KRT10: variants seen among roughly 807,000 people sequenced by gnomAD.
The protein encoded by KRT10 is keratin, type I cytoskeletal 10.
In KRT10, 40 loss-of-function variants were observed where a neutral mutation model predicts 59.2. The observed-to-expected ratio is 0.68, with a 90% CI of 0.52 to 0.88. The LOEUF is 0.88. Among genes scored for constraint, KRT10 ranks in the 40% least tolerant of loss-of-function variants. KRT10 has a pLI of 0.00. For missense variants in KRT10, 719 were observed against 749.1 expected, an observed-to-expected ratio of 0.96 and a Z score of 0.47; for synonymous variants, 336 against 310.7, an observed-to-expected ratio of 1.08 and a Z score of -0.86.
intron 2 of KRT10, 124 bp from the exon 3 acceptor site, chr17:40,820,791 T>A: frequency 8.7e-7 from 1 of 1,152,694 alleles, no homozygotes. Context: ...TCATGTACAG[T>A]TCTCTTAGAA....
intron 7 of KRT10, 144 bp downstream of exon 7, chr17:40,818,643 G>T: frequency 1.4e-6 from 2 of 1,395,782 alleles, no homozygotes; most frequent in Non-Finnish European, 2.0e-6. Flanking sequence ...CACGGCTGGT[G>T]TTAAGAGTAG....
chr17:40,818,794 C>T lies in KRT10; in HGVS notation c.1741G>A (p.Gly581Arg). The change falls in exon 7 of 8, where the codon GGA becomes AGA. Residue 581 changes from glycine to arginine, a missense_variant. Physicochemically the swap from Gly to Arg is moderately radical, Grantham distance 125. Transcript: ENST00000269576. ...CAGCTAGTTTCTGCTGACCTTGGTCCCTTAGATGAAGACTCGCCCACGGAC... is the reference window on the plus strand; with the variant it reads ...CAGCTAGTTTCTGCTGACCTTGGTCTCTTAGATGAAGACTCGCCCACGGAC... ...SGSVGESSSK[G>R]PRY The T allele has an allele frequency of 6.5e-7, 1 of 1,547,788 alleles. No individual in the cohort carries two copies. Among genetic ancestry groups the T allele is most frequent in the Non-Finnish European group, 8.6e-7 (1 of 1,156,996 alleles).
At chr17:40,821,260 G>A (rs1216385512) in intron 1 of KRT10, 143 bp from the exon 2 acceptor site, 2 of 672,998 alleles carry the variant, frequency 3.0e-6, no homozygotes, top group Middle Eastern at 2.5e-4. Flanking sequence ...AATATTGCAG[G>A]CTTACCCATA....
Position 40,818,203 on chromosome 17 carries a change from T to G in KRT10, c.*273A>C, listed in dbSNP as rs951369637. 1.1e-5 allele frequency: 5 copies of G among 448,542 alleles called. No individual in the cohort carries two copies. Among genetic ancestry groups the G allele is most frequent in the Non-Finnish European group, 2.0e-5 (5 of 251,662 alleles). 27.8% of individuals were successfully genotyped at this position (448,542 alleles called of 1,614,324 possible). A position where few individuals can be genotyped will look rare whatever the true frequency, so the allele number is the denominator to read the frequency against. On this transcript the variant is annotated 3_prime_UTR_variant, in exon 8 of 8. Transcript: ENST00000269576. ...TTTCTTTCCATTAAAGAACACTTTC[T>G]GGTAAAGTGAAAAGAAGAAATACAG...
chr17:40,820,198 A>G (rs1192087639), intron 4 of KRT10, 24 bp from the exon 5 acceptor site: 1 of 1,614,070 alleles, frequency 6.2e-7, no homozygotes, highest in Non-Finnish European at 8.5e-7. Context: ...AACAAGGAAA[A>G]GGGTGAGGAA....
At position 40,818,883 on chromosome 17, in the gene KRT10, C is replaced by A. The variant is rs767261543; in HGVS notation, c.1652G>T (p.Ser551Ile). 12 of 1,529,270 alleles carry A rather than the reference C, an allele frequency of 7.8e-6. No homozygotes were observed. The highest frequency in any genetic ancestry group is 3.7e-5 in the Admixed American group (2 of 53,688). 94.7% of individuals were successfully genotyped at this position (1,529,270 alleles called of 1,614,324 possible). Reference sequence around the variant, plus strand: ...GCCGCCGTATCCGCCGCCGGAGCTGCTGCCGCCGCCGGAGCTGCCGCCCCC... The same window carrying A: ...GCCGCCGTATCCGCCGCCGGAGCTGATGCCGCCGCCGGAGCTGCCGCCCCC... The part of the protein sequence containing the change: ...GYGGGSSGGG[S>I]SSGGGYGGGS... Residue 551 changes from serine to isoleucine, a missense_variant, in exon 7 of 8, where the codon AGC (serine) becomes ATC (isoleucine). Ser to Ile is a moderately radical substitution (Grantham distance 142). Transcript: ENST00000269576.
rs1484341394 is a variant in KRT10 at position 40,819,100 on chromosome 17, C to T, written c.1435G>A (p.Gly479Ser). The change falls in exon 7 of 8, where the codon GGC becomes AGC. Residue 479 changes from glycine to serine, a missense_variant. Around this residue, in one of 4 missense-constraint regions of KRT10, gnomAD observed 315 missense variants for 270.6 expected, o/e 1.16. Coordinates refer to ENST00000269576, the MANE Select transcript of KRT10 (RefSeq NM_000421.5). Reference sequence around the variant, plus strand: ...TGGCCGCCGCCGGAGCTTCCGCCGCCGGAGCTTCCGCCGCCGTAGCCGCCG... The same window carrying T: ...TGGCCGCCGCCGGAGCTTCCGCCGCTGGAGCTTCCGCCGCCGTAGCCGCCG... ...FGGGYGGGSSGGGSSGGGHGG... is the reference protein window; with the variant it reads ...FGGGYGGGSSSGGSSGGGHGG... 24 of 1,468,042 alleles carry T rather than the reference C, an allele frequency of 1.6e-5. No homozygotes were observed. In the East Asian group the frequency reaches 5.9e-4, roughly 36 times the overall value. 90.9% of individuals were successfully genotyped at this position (1,468,042 alleles called of 1,614,324 possible).
intron 7 of KRT10, 60 bp downstream of exon 7, chr17:40,818,726 CA>C (rs913700678): frequency 1.3e-5 from 21 of 1,598,574 alleles, no homozygotes; most frequent in Middle Eastern, 3.3e-4. Flanking sequence ...GCTTAAAGCG[CA>C]AAAAAACCAT....
chr17:40,820,500 T>A lies in KRT10; in HGVS notation c.867+11A>T. The A allele has an allele frequency of 6.2e-7, 1 of 1,614,212 alleles. No individual in the cohort carries two copies. Among genetic ancestry groups the A allele is most frequent in the Non-Finnish European group, 8.5e-7 (1 of 1,180,030 alleles). ...CTCTTTTGGCTGGGAAAAGTATAAC[T>A]TTTGTGTCACCTCCTCGTGGTTCTT... On this transcript the variant is annotated intron_variant, in intron 3 of 7. Coordinates refer to ENST00000269576, the MANE Select transcript of KRT10 (RefSeq NM_000421.5).
Position 40,822,534 on chromosome 17 carries a change from C to G in KRT10, c.52G>C (p.Gly18Arg), listed in dbSNP as rs1905491896. 6.2e-7 allele frequency: 1 copy of G among 1,608,808 alleles called. No homozygotes were observed. Among genetic ancestry groups the G allele is most frequent in the East Asian group, 2.2e-5 (1 of 44,878 alleles). ...SKHYSSSRSG[G>R]GGGGGGCGGG... ...CCACATCCTCCTCCTCCTCCTCCTC[C>G]TCCACTGCGGGAGGAAGAGTAGTGC... The change falls in exon 1 of 8, where the codon GGA becomes CGA. Residue 18 changes from glycine (G) to arginine (R), a missense_variant. Physicochemically the swap from Gly to Arg is moderately radical, Grantham distance 125 (BLOSUM62 -2). Around this residue, in one of 4 missense-constraint regions of KRT10, gnomAD observed 176 missense variants for 175.7 expected, o/e 1.00. Coordinates refer to ENST00000269576, the MANE Select transcript of KRT10 (RefSeq NM_000421.5).
rs764477110 is a variant in KRT10, at chr17:40,820,568, C to A, written c.810G>T (p.Glu270Asp). The A allele has an allele frequency of 6.2e-7, 1 of 1,614,256 alleles. No homozygotes were observed. The highest frequency in any genetic ancestry group is 1.1e-5 in the South Asian group (1 of 91,086). ...CTTCAGTCAGGCTCTCAATTTGCAT[C>A]TCCAGGTCAGCCTTGGTCAGGGTCA... ...DELTLTKADL[E>D]MQIESLTEEL... The change falls in exon 3 of 8, where the codon GAG becomes GAT. Residue 270 changes from glutamate (E) to aspartate (D), a missense_variant. By Grantham distance (45) the Glu-to-Asp change is conservative (BLOSUM62 2). This residue lies in a region of KRT10 where 221 missense variants were observed against 277.8 expected (regional missense o/e 0.80). Coordinates refer to ENST00000269576, the MANE Select transcript of KRT10 (RefSeq NM_000421.5).
intron 7 of KRT10, 41 bp from the exon 8 acceptor site, chr17:40,818,523 G>A (rs767039379): frequency 5.2e-6 from 7 of 1,353,202 alleles, no homozygotes; most frequent in African/African-American, 1.4e-5. Flanking sequence ...CAGTCTGTAG[G>A]GATCCTTAGT....
In KRT10 at chr17:40,821,052, A is replaced by C. The variant is rs368893029; in HGVS notation, c.693T>G (p.Ala231=). ...LLQIDNARLA[A]DDFRLKYENE... The stretch of plus-strand genomic sequence containing the variant: ...TAACTTACTTCAGCCTGAAGTCATC[A>C]GCTGCCAGCCTGGCATTGTCGATCT... The change falls in exon 2 of 8, where the codon GCT becomes GCG. Residue 231 remains alanine (A), a synonymous_variant. Coordinates refer to ENST00000269576, the MANE Select transcript of KRT10 (RefSeq NM_000421.5). 6.2e-7 allele frequency: 1 copy of C among 1,613,462 alleles called. No homozygotes were observed. The highest frequency in any genetic ancestry group is 1.3e-5 in the African/African-American group (1 of 74,936).
intron 4 of KRT10, 37 bp downstream of exon 4, chr17:40,820,225 A>G (rs1319296810): frequency 6.2e-7 from 1 of 1,614,124 alleles, no homozygotes; most frequent in East Asian, 2.2e-5. Context: ...AAATGATAAA[A>G]CCTCCATGAG....
At chr17:40,821,221 CT>C in intron 1 of KRT10, 104 bp from the exon 2 acceptor site, 1 of 842,726 alleles carries the variant, frequency 1.2e-6, no homozygotes, top group Non-Finnish European at 2.0e-6. Context: ...CTTACAAAAT[CT>C]TGGGAAAATT....
Position 40,821,958 on chromosome 17 carries a change from C to A in KRT10, c.627+1G>T, listed in dbSNP as rs111345983. 6.2e-7 allele frequency: 1 copy of A among 1,613,868 alleles called. No individual in the cohort carries two copies. Among genetic ancestry groups the A allele is most frequent in the East Asian group, 2.2e-5 (1 of 44,878 alleles). ...AAGCTGGATTTAAAAATACCTCTTACCTGATTTTTAAGGTCATCGATGGTT... is the reference window on the plus strand; with the variant it reads ...AAGCTGGATTTAAAAATACCTCTTAACTGATTTTTAAGGTCATCGATGGTT... On this transcript the variant is annotated splice_donor_variant, in intron 1 of 7. Transcript: ENST00000269576. LOFTEE classifies it high-confidence loss of function.
chr17:40,820,712 G>A (rs1488004688), intron 2 of KRT10, 45 bp from the exon 3 acceptor site: 1 of 1,601,914 alleles, frequency 6.2e-7, no homozygotes, highest in South Asian at 1.1e-5. Context: ...TTATATAGGG[G>A]AGATGTATCT....
rs1291567634 is a variant in KRT10, at chr17:40,822,220, A to G, written c.366T>C (p.Phe122=). The change falls in exon 1 of 8, where the codon TTT becomes TTC. Residue 122 remains phenylalanine, a synonymous_variant. Coordinates refer to ENST00000269576, the MANE Select transcript of KRT10 (RefSeq NM_000421.5). ...FGGGSFGGGG[F]GGGGFGGGFG... is the part of the protein sequence containing the mutation. ...AGCCTCCTCCAAAGCCGCCTCCACC[A>G]AAGCCGCCTCCACCAAAGCTGCCCC... 4 of 1,611,226 alleles carry G rather than the reference A, an allele frequency of 2.5e-6. No individual in the cohort carries two copies. Among genetic ancestry groups the G allele is most frequent in the East Asian group, 4.5e-5 (2 of 44,860 alleles).
At position 40,820,280 on chromosome 17, in the gene KRT10, T is replaced by C. The variant is rs752531072; in HGVS notation, c.1011A>G (p.Glu337=). The C allele has an allele frequency of 7.4e-6, 12 of 1,614,122 alleles. No homozygotes were observed. The East Asian group carries it at 2.7e-4, about 36-fold the overall frequency. ...QLAEQNRKDA[E]AWFNEKSKEL... ...ACTTTACCTTTTCATTGAACCAGGC[T>C]TCAGCATCTTTGCGGTTTTGTTCAG... Residue 337 remains glutamate, a synonymous_variant, in exon 4 of 8, where the codon GAA becomes GAG. Transcript: ENST00000269576.
Sources: gnomAD v4.1 joint callset for allele counts on GRCh38, gnomAD v4.1.1 for gene constraint, gnomAD v4.1.1 regional missense constraint, MANE v1.5 for transcripts, NCBI Gene and HGNC (gene_info 2026-07-23, HGNC 2026-07-21) for gene names.